PLXDC2: variants seen among roughly 807,000 people sequenced by gnomAD.
PLXDC2 encodes the protein plexin domain-containing protein 2.
Under a neutral mutation model 68.9 loss-of-function variants are expected in PLXDC2, and 40 were observed. The observed-to-expected ratio is 0.58, with a 90% CI of 0.45 to 0.76. The LOEUF (loss-of-function observed/expected upper bound fraction) is 0.76. Ranked by LOEUF, PLXDC2 falls within the 30% of genes least tolerant of loss-of-function variation. The pLI is 0.00. For synonymous variants in PLXDC2, 243 were observed against 234.2 expected (o/e 1.04, Z -0.34); for missense variants, 644 against 661.9 (o/e 0.97, Z 0.30).
At chr10:20,105,048 CAAA>C (rs11289832) in intron 4 of PLXDC2, among the ~76,000 whole-genome samples, 28,428 of 96,938 alleles carry the variant, frequency 0.29, 4,376 homozygotes, top group Non-Finnish European at 0.39. Context: ...AGACTCCATC[CAAA>C]AAAAAAAAAA....
At position 20,211,658 on chromosome 10, in the gene PLXDC2, C is replaced by G. The variant is rs777779393; in HGVS notation, c.1062-11C>G. 23 of 1,612,770 alleles carry G rather than the reference C, an allele frequency of 1.4e-5. No individual in the cohort carries two copies. The highest frequency in any genetic ancestry group is 1.8e-5 in the Non-Finnish European group (21 of 1,179,236). On this transcript the variant is annotated splice_polypyrimidine_tract_variant and intron_variant, in intron 9 of 13. Coordinates refer to ENST00000377252, the MANE Select transcript of PLXDC2 (RefSeq NM_032812.9). Reference sequence around the variant, plus strand: ...TTCCTTTTCTGAACTGCATTGTGGTCTTCTTTGAAGATGTTCCAGTGGATT... The same window carrying G: ...TTCCTTTTCTGAACTGCATTGTGGTGTTCTTTGAAGATGTTCCAGTGGATT...
intron 4 of PLXDC2, among the ~76,000 whole-genome samples, chr10:20,085,616 T>A (rs1399200751): frequency 2.0e-5 from 3 of 152,272 alleles, no homozygotes; most frequent in Non-Finnish European, 1.5e-5. Flanking sequence ...ATGATTTGAT[T>A]TGGGGAGACA....
intron 1 of PLXDC2, among the ~76,000 whole-genome samples, chr10:19,832,366 C>T (rs540906382): frequency 3.0e-4 from 46 of 152,066 alleles, no homozygotes; most frequent in Non-Finnish European, 5.6e-4. Context: ...TAAAAAGAAA[C>T]ACGGAGGAAT....
intron 13 of PLXDC2, among the ~76,000 whole-genome samples, chr10:20,275,526 C>T (rs1360963728): frequency 1.3e-5 from 2 of 152,136 alleles, no homozygotes; most frequent in Non-Finnish European, 1.5e-5. Context: ...CTGTACACCA[C>T]AATTAAAGGA....
At chr10:20,099,516 C>T (rs1410230047) in intron 4 of PLXDC2, among the ~76,000 whole-genome samples, 3 of 152,152 alleles carry the variant, frequency 2.0e-5, no homozygotes, top group African/African-American at 7.2e-5. Context: ...TCTCACAGAT[C>T]CTCAAAAGAA....
chr10:19,910,591 C>CTTTTTTTTTTTTTT (rs1006322581), intron 1 of PLXDC2, among the ~76,000 whole-genome samples: 1 of 92,552 alleles, frequency 1.1e-5, no homozygotes, highest in African/African-American at 4.3e-5. Context: ...TAAGTGGTTG[C>CTTTTTTTTTTTTTT]TTTTTTTTTT....
chr10:20,062,144 G>A (rs1029933368), intron 3 of PLXDC2, among the ~76,000 whole-genome samples: 1 of 152,188 alleles, frequency 6.6e-6, no homozygotes, highest in African/African-American at 2.4e-5. Context: ...AGGTTAAATA[G>A]GCTGGGCACG....
chr10:19,989,678 A>AT (rs1355477762), intron 1 of PLXDC2, among the ~76,000 whole-genome samples: 1 of 151,376 alleles, frequency 6.6e-6, no homozygotes, highest in Non-Finnish European at 1.5e-5. Context: ...TTAATGATTT[A>AT]TTTTTTATAT....
chr10:19,865,991 T>G (rs1837407559), intron 1 of PLXDC2, among the ~76,000 whole-genome samples: 1 of 152,136 alleles, frequency 6.6e-6, no homozygotes, highest in African/African-American at 2.4e-5. Flanking sequence ...AATTCACACT[T>G]TCCCCCCTCA....
intron 2 of PLXDC2, among the ~76,000 whole-genome samples, chr10:20,039,518 C>A (rs1432823125): frequency 6.6e-6 from 1 of 152,056 alleles, no homozygotes; most frequent in Admixed American, 6.6e-5. Context: ...AATATCTGAT[C>A]TATAGTATGT....
chr10:19,856,127 G>T (rs921495979), intron 1 of PLXDC2, among the ~76,000 whole-genome samples: 1 of 151,826 alleles, frequency 6.6e-6, no homozygotes, highest in Non-Finnish European at 1.5e-5. Context: ...AAAATAAATT[G>T]GGTGCTATTT....
chr10:19,846,020 A>C (rs532527490), intron 1 of PLXDC2, among the ~76,000 whole-genome samples: 4 of 152,086 alleles, frequency 2.6e-5, no homozygotes, highest in Non-Finnish European at 5.9e-5. Context: ...CTATCTATGG[A>C]GGCTATTTAT....
chr10:19,824,431 C>A (rs563963188), intron 1 of PLXDC2, among the ~76,000 whole-genome samples: 1 of 152,170 alleles, frequency 6.6e-6, no homozygotes, highest in South Asian at 2.1e-4. Context: ...AAAATTGAAT[C>A]GCCATAATAC....
At chr10:20,176,733 G>T (rs531302802) in intron 7 of PLXDC2, among the ~76,000 whole-genome samples, 1 of 152,150 alleles carries the variant, frequency 6.6e-6, no homozygotes, top group Admixed American at 6.6e-5. Flanking sequence ...CTTTAGTATA[G>T]TCTGAGTGAG....
At chr10:20,153,949 A>G (rs1262329284) in intron 6 of PLXDC2, among the ~76,000 whole-genome samples, 2 of 152,176 alleles carry the variant, frequency 1.3e-5, no homozygotes, top group Non-Finnish European at 2.9e-5. Context: ...ATATCATATC[A>G]TAGCATATCA....
At chr10:20,227,582 A>G (rs1835302695) in intron 12 of PLXDC2, among the ~76,000 whole-genome samples, 2 of 152,134 alleles carry the variant, frequency 1.3e-5, no homozygotes, top group Non-Finnish European at 2.9e-5. Flanking sequence ...TGAGGCTGAG[A>G]AGGTGGGCTT....
chr10:19,829,004 T>C (rs1034599288), intron 1 of PLXDC2, among the ~76,000 whole-genome samples: 3 of 152,132 alleles, frequency 2.0e-5, no homozygotes, highest in Admixed American at 6.5e-5. Flanking sequence ...CCTGTGCCTT[T>C]CCGTTGCTCT....
chr10:19,926,387 G>A (rs1303335129), intron 1 of PLXDC2, among the ~76,000 whole-genome samples: 1 of 151,974 alleles, frequency 6.6e-6, no homozygotes, highest in African/African-American at 2.4e-5. Flanking sequence ...ATTGTTTGCA[G>A]TATTGCAGTA....
intron 6 of PLXDC2, among the ~76,000 whole-genome samples, chr10:20,162,003 C>G (rs1157776207): frequency 1.5e-5 from 2 of 137,698 alleles, no homozygotes; most frequent in African/African-American, 2.7e-5. Flanking sequence ...GCCTGGACAA[C>G]AAGAGTGAAA....
Sources: gnomAD v4.1 joint callset for allele counts (sites outside exome capture counted in the v4.1 genomes callset) on GRCh38, gnomAD v4.1.1 for gene constraint, MANE v1.5 for transcripts, NCBI Gene and HGNC (gene_info 2026-07-23, HGNC 2026-07-21) for gene names.